The following PDE1C variants were observed in gnomAD, a reference collection of about 807,000 sequenced individuals.
PDE1C encodes the protein dual specificity calcium/calmodulin-dependent 3',5'-cyclic nucleotide phosphodiesterase 1C.
Under a neutral mutation model 93.1 loss-of-function variants are expected in PDE1C, and 62 were observed. The observed-to-expected ratio is 0.67, with a 90% CI of 0.54 to 0.82. The LOEUF (loss-of-function observed/expected upper bound fraction) is 0.82, where lower values mean the gene tolerates loss of function less well. Among genes scored for constraint, PDE1C ranks in the 40% least tolerant of loss-of-function variants. PDE1C has a pLI of 0.00. For synonymous variants in PDE1C, 325 were observed against 310.1 expected, an observed-to-expected ratio of 1.05 and a Z score of -0.50; for missense variants, 742 against 884.6, an observed-to-expected ratio of 0.84 and a Z score of 2.04.
the PDE1C span, chr7:31,643,210 T>C: frequency 5.0e-6 from 8 of 1,613,806 alleles, no homozygotes; most frequent in African/African-American, 1.1e-4. Flanking sequence ...TCATGTTGAC[T>C]CTGAGGCCCC....
chr7:32,249,272 G>A (rs985386469), intron 1 of PDE1C, among the ~76,000 whole-genome samples: 6 of 151,970 alleles, frequency 3.9e-5, no homozygotes, highest in Admixed American at 6.6e-5. Flanking sequence ...ACTGCAGGGG[G>A]TGCTTCTAAA....
intron 3 of PDE1C, among the ~76,000 whole-genome samples, chr7:31,880,486 C>A (rs1435867617): frequency 6.6e-6 from 1 of 152,112 alleles, no homozygotes; most frequent in Middle Eastern, 3.4e-3. Flanking sequence ...TTTAAAAATT[C>A]GTTTTTCTCC....
chr7:32,206,750 T>G (rs1004020713), intron 2 of PDE1C, among the ~76,000 whole-genome samples: 7 of 152,226 alleles, frequency 4.6e-5, no homozygotes, highest in Admixed American at 1.3e-4. Flanking sequence ...AGCATGGCAG[T>G]GCCCACACCC....
In PDE1C at chr7:32,118,347, C is replaced by T. The variant is rs568497776; in HGVS notation, c.308+51438G>A. Reference sequence around the variant, plus strand: ...TTTACTGTTCAAGAATATATAAGTGCTAAGGTCCTTGCATGATTCAGTAGA... The same window carrying T: ...TTTACTGTTCAAGAATATATAAGTGTTAAGGTCCTTGCATGATTCAGTAGA... On this transcript the variant is annotated intron_variant, in intron 3 of 18. Coordinates refer to the PDE1C transcript ENST00000396193. Among the ~76,000 whole-genome samples the T allele has an allele frequency of 2.9e-4, 44 of 152,250 alleles. 1 individual carries two copies. The highest frequency in any genetic ancestry group is 8.7e-4 in the African/African-American group (36 of 41,552).
chr7:32,380,396 C>G (rs1784510757), intron 1 of PDE1C, among the ~76,000 whole-genome samples: 1 of 126,136 alleles, frequency 7.9e-6, no homozygotes, highest in Admixed American at 9.3e-5. Flanking sequence ...TGCCACCATG[C>G]CCGGCTAATT....
At chr7:31,912,995 A>G (rs1344982705) in intron 2 of PDE1C, among the ~76,000 whole-genome samples, 2 of 152,140 alleles carry the variant, frequency 1.3e-5, no homozygotes, top group East Asian at 3.9e-4. Context: ...ATTTTAACCT[A>G]TAGTAATATT....
At chr7:31,973,428 T>C (rs1017480005) in intron 2 of PDE1C, among the ~76,000 whole-genome samples, 1 of 152,080 alleles carries the variant, frequency 6.6e-6, no homozygotes, top group Non-Finnish European at 1.5e-5. Flanking sequence ...TTCTGAAAAC[T>C]GAAGACAAAA....
intron 17 of PDE1C, among the ~76,000 whole-genome samples, chr7:31,756,249 G>C (rs757228145): frequency 6.6e-6 from 1 of 152,128 alleles, no homozygotes; most frequent in Non-Finnish European, 1.5e-5. Flanking sequence ...AGGGGATCAA[G>C]GTTGACACCA....
At chr7:32,266,906 G>C (rs1810613648) in intron 1 of PDE1C, among the ~76,000 whole-genome samples, 1 of 151,278 alleles carries the variant, frequency 6.6e-6, no homozygotes, top group African/African-American at 2.4e-5. Context: ...AGTGGCGGGG[G>C]CGGGGTGGGG....
chr7:32,093,112 G>A (rs143472961), intron 3 of PDE1C, among the ~76,000 whole-genome samples: 1 of 152,320 alleles, frequency 6.6e-6, no homozygotes, highest in East Asian at 1.9e-4. Context: ...TTAAACTAAA[G>A]TATGCACATA....
chr7:31,880,894 T>G (rs1797162295), intron 2 of PDE1C, 34 bp from the exon 3 acceptor site: 2 of 1,269,580 alleles, frequency 1.6e-6, no homozygotes, highest in Non-Finnish European at 1.2e-6. Flanking sequence ...TTCATTAGAA[T>G]AGAGGAAACA....
chr7:32,278,072 C>CA (rs35853359), intron 1 of PDE1C, among the ~76,000 whole-genome samples: 44,105 of 108,884 alleles, frequency 0.41, 7,485 homozygotes, highest in African/African-American at 0.52. Context: ...GATTATATAG[C>CA]AAAAAAAAAA....
the PDE1C span, among the ~76,000 whole-genome samples, chr7:31,665,835 T>G: frequency 6.6e-6 from 1 of 152,216 alleles, no homozygotes; most frequent in Non-Finnish European, 1.5e-5. Context: ...AGATAATATA[T>G]ACTTTGAATC....
chr7:32,090,191 T>A (rs1257397747), intron 3 of PDE1C, among the ~76,000 whole-genome samples: 1 of 150,318 alleles, frequency 6.7e-6, no homozygotes, highest in Non-Finnish European at 1.5e-5. Context: ...AATAAAAAAA[T>A]AGTAAAATAA....
chr7:32,071,466 C>T, upstream of PDE1C: 1 of 969,440 alleles, frequency 1.0e-6, no homozygotes, highest in South Asian at 4.8e-5. Context: ...CGCTCTCTCT[C>T]CTCCCTCATT....
chr7:31,967,287 A>C (rs944807047), intron 2 of PDE1C, among the ~76,000 whole-genome samples: 3 of 152,200 alleles, frequency 2.0e-5, no homozygotes, highest in African/African-American at 7.2e-5. Flanking sequence ...TATCACCACC[A>C]ATCCCACAGA....
chr7:32,149,199 G>A (rs758944281), intron 3 of PDE1C, among the ~76,000 whole-genome samples: 1 of 152,200 alleles, frequency 6.6e-6, no homozygotes, highest in Non-Finnish European at 1.5e-5. Flanking sequence ...AACGTCCTAT[G>A]TCAATAGATA....
the PDE1C span, among the ~76,000 whole-genome samples, chr7:31,739,384 C>T: frequency 7.9e-5 from 12 of 152,030 alleles, no homozygotes; most frequent in Admixed American, 1.3e-4. Flanking sequence ...AAATCTACGC[C>T]ATGGGTGAGA....
Position 31,871,692 on chromosome 7 carries a change from T to TAA in PDE1C, c.609+1598_609+1599dup, listed in dbSNP as rs35043161. ...CCCCAGTAAGAATGGCTGTTATGGT[T>TAA]AAAAAAAAAAAAAAGATGCACTGGT... On this transcript the variant is annotated intron_variant, in intron 6 of 17. Transcript: ENST00000396191. 6.8e-4 allele frequency among the ~76,000 whole-genome samples: 96 copies of TAA among 141,564 alleles called. 2 individuals carry two copies. The Middle Eastern group carries it at 0.018, about 26-fold the overall frequency. 92.9% of individuals were successfully genotyped at this position (141,564 alleles called of 152,430 possible).
Sources: gnomAD v4.1 joint callset for allele counts (sites outside exome capture counted in the v4.1 genomes callset) on GRCh38, gnomAD v4.1.1 for gene constraint, MANE v1.5 for transcripts, NCBI Gene and HGNC (gene_info 2026-07-23, HGNC 2026-07-21) for gene names.